The following MCCC1 variants were observed in gnomAD, a reference collection of about 807,000 sequenced individuals.
The protein encoded by MCCC1 is methylcrotonoyl-CoA carboxylase subunit alpha, mitochondrial.
MCCC1 carries 64 observed loss-of-function variants against 83.8 expected under a neutral mutation model. The observed-to-expected ratio is 0.76, with a 90% CI of 0.62 to 0.94. The LOEUF is 0.94. Ranked by LOEUF, MCCC1 falls within the 40% of genes least tolerant of loss-of-function variation. MCCC1 has a pLI of 0.00. For synonymous variants in MCCC1, 322 were observed against 315.4 expected (o/e 1.02, Z -0.22); for missense variants, 807 against 904.7 (o/e 0.89, Z 1.39).
At chr3:183,078,279 C>A (rs1717228289) in intron 4 of MCCC1, among the ~76,000 whole-genome samples, 1 of 152,178 alleles carries the variant, frequency 6.6e-6, no homozygotes, top group Non-Finnish European at 1.5e-5. Context: ...CTTGGTCTCC[C>A]AAAATGCTGG....
Position 183,015,261 on chromosome 3 carries a change from ATT to A in MCCC1, c.*175_*176del, listed in dbSNP as rs1229772270. On this transcript the variant is annotated 3_prime_UTR_variant, in exon 19 of 19. Transcript: ENST00000265594. ...TAATTCAACTTTATTAGTATGAAATATTTTGAGATAATTAGTGACCCAAATGC... is the reference window on the plus strand; with the variant it reads ...TAATTCAACTTTATTAGTATGAAATATTGAGATAATTAGTGACCCAAATGC... The A allele has an allele frequency of 1.4e-6, 1 of 695,064 alleles. No individual in the cohort carries two copies. Among genetic ancestry groups the A allele is most frequent in the African/African-American group, 1.8e-5 (1 of 56,066 alleles). The allele number at this position is 695,064 out of a possible 1,614,324, so 43.1% of individuals were successfully genotyped here.
intron 14 of MCCC1, among the ~76,000 whole-genome samples, chr3:183,027,981 CA>C (rs1251428090): frequency 6.6e-6 from 1 of 152,184 alleles, no homozygotes; most frequent in Non-Finnish European, 1.5e-5. Flanking sequence ...TTAATGGAGA[CA>C]AAACAGTCTT....
intron 13 of MCCC1, 118 bp from the exon 14 acceptor site, chr3:183,034,195 A>T: frequency 2.8e-6 from 2 of 726,998 alleles, no homozygotes; most frequent in Non-Finnish European, 2.4e-6. Flanking sequence ...TCATGCCTGT[A>T]ATCCCAGCAC....
At chr3:183,017,432 A>G in intron 17 of MCCC1, 95 bp from the exon 18 acceptor site, 1 of 1,084,904 alleles carries the variant, frequency 9.2e-7, no homozygotes, top group Non-Finnish European at 1.4e-6. Flanking sequence ...CTGTCTATAT[A>G]TACTCATAAC....
intron 4 of MCCC1, among the ~76,000 whole-genome samples, chr3:183,078,961 T>G (rs1717285649): frequency 6.6e-6 from 1 of 152,162 alleles, no homozygotes; most frequent in African/African-American, 2.4e-5. Context: ...TTTAAAACCA[T>G]CAGCTCTCAT....
chr3:183,062,442 C>T (rs1970863), intron 7 of MCCC1, among the ~76,000 whole-genome samples: 134,586 of 150,264 alleles, frequency 0.9, 60,655 homozygotes, highest in East Asian at 1. Context: ...GCAACCTCCA[C>T]CTTCCAGGTT....
At chr3:183,089,022 G>A (rs535530449) in intron 3 of MCCC1, among the ~76,000 whole-genome samples, 1 of 152,152 alleles carries the variant, frequency 6.6e-6, no homozygotes, top group East Asian at 1.9e-4. Context: ...GAAACCTACA[G>A]GAATGTTTGT....
At chr3:183,042,264 T>C (rs1320847187) in intron 10 of MCCC1, among the ~76,000 whole-genome samples, 3 of 152,216 alleles carry the variant, frequency 2.0e-5, no homozygotes, top group African/African-American at 4.8e-5. Context: ...ATGATGGTTT[T>C]TCAATTTTGT....
chr3:183,101,578 T>C (rs1719305674), upstream of MCCC1, among the ~76,000 whole-genome samples: 1 of 152,162 alleles, frequency 6.6e-6, no homozygotes, highest in Non-Finnish European at 1.5e-5. Context: ...AGCTCAGGGA[T>C]TGTAAACGCA....
At position 183,034,255 on chromosome 3, in the gene MCCC1, C is replaced by T. The variant is rs140278703; in HGVS notation, c.1595-178G>A. On this transcript the variant is annotated intron_variant, in intron 13 of 18. Coordinates refer to ENST00000265594, the MANE Select transcript of MCCC1 (RefSeq NM_020166.5). ...CATGAGGTCAGGAGATCGAGACCAT[C>T]CTAGCTAACACGGTGAAACCCCGTC... is the stretch of plus-strand genomic sequence containing the variant. Among the ~76,000 whole-genome samples, 10,129 of 152,090 alleles carry T rather than the reference C, an allele frequency of 0.067. 443 individuals are homozygous for T. Among genetic ancestry groups the T allele is most frequent in the Non-Finnish European group, 0.1 (7,020 of 67,966 alleles).
chr3:183,075,820 G>A (rs188415012), intron 4 of MCCC1, among the ~76,000 whole-genome samples: 85 of 151,788 alleles, frequency 5.6e-4, no homozygotes, highest in Non-Finnish European at 1.1e-3. Context: ...AATTACAGAC[G>A]TGAGCCACTG....
At chr3:183,106,580 C>G (rs1185678080) in intron 1 of MCCC1, among the ~76,000 whole-genome samples, 1 of 151,858 alleles carries the variant, frequency 6.6e-6, no homozygotes, top group Non-Finnish European at 1.5e-5. Context: ...CTCACTGCAA[C>G]CTCAGCCTCC....
At chr3:183,057,785 T>A (rs1241627557) in intron 7 of MCCC1, among the ~76,000 whole-genome samples, 1 of 152,160 alleles carries the variant, frequency 6.6e-6, no homozygotes, top group Non-Finnish European at 1.5e-5. Flanking sequence ...GGTAGGAGGA[T>A]CACCTGAGCC....
chr3:183,028,030 G>A (rs1577249281), intron 14 of MCCC1, among the ~76,000 whole-genome samples: 1 of 152,210 alleles, frequency 6.6e-6, no homozygotes, highest in South Asian at 2.1e-4. Context: ...TTTCATAGCT[G>A]GAGTGGAGAA....
At chr3:183,072,186 A>G (rs1457615938) in intron 5 of MCCC1, among the ~76,000 whole-genome samples, 180 bp downstream of exon 5, 1 of 152,098 alleles carries the variant, frequency 6.6e-6, no homozygotes, top group Non-Finnish European at 1.5e-5. Context: ...TTTAAAAAAA[A>G]GAATTTTGAG....
At chr3:183,051,502 C>T (rs530951152) in intron 9 of MCCC1, among the ~76,000 whole-genome samples, 10 of 151,772 alleles carry the variant, frequency 6.6e-5, no homozygotes, top group South Asian at 6.3e-4. Context: ...GAGTGGCTGC[C>T]GGGGTTTAGG....
chr3:183,063,967 G>A (rs903254504), intron 7 of MCCC1, among the ~76,000 whole-genome samples: 1 of 152,034 alleles, frequency 6.6e-6, no homozygotes, highest in Non-Finnish European at 1.5e-5. Flanking sequence ...AGACAGAGTG[G>A]GTTAAAGACC....
intron 14 of MCCC1, among the ~76,000 whole-genome samples, chr3:183,028,246 A>G (rs1415202615): frequency 6.6e-6 from 1 of 152,230 alleles, no homozygotes; most frequent in Non-Finnish European, 1.5e-5. Flanking sequence ...GGTTTACTGA[A>G]TATTTTAAGC....
At chr3:183,103,081 G>C (rs1173454493), upstream of MCCC1, among the ~76,000 whole-genome samples, 1 of 152,022 alleles carries the variant, frequency 6.6e-6, no homozygotes. Context: ...GGCGCGTCTG[G>C]AGTTTGTTCC....
Sources: allele counts gnomAD v4.1 joint callset (sites outside exome capture counted in the v4.1 genomes callset), GRCh38; gene constraint gnomAD v4.1.1; transcripts MANE v1.5; gene names NCBI Gene and HGNC (gene_info 2026-07-23, HGNC 2026-07-21).